The following STARD4 variants were observed in gnomAD, a reference collection of about 807,000 sequenced individuals.
STARD4 encodes stAR-related lipid transfer protein 4.
A neutral mutation model predicts 24.9 loss-of-function variants in STARD4; 33 were observed. That is an observed-to-expected ratio of 1.32 (90% confidence interval 1.00 to 1.77). The LOEUF (loss-of-function observed/expected upper bound fraction) is 1.77. STARD4 is among the 40% of genes most tolerant of loss of function. The pLI is 0.00. For synonymous variants in STARD4, 88 were observed against 77.4 expected (o/e 1.14, Z -0.72); for missense variants, 238 against 249.3 (o/e 0.95, Z 0.31).
rs953349158 is a variant in STARD4, at chr5:111,496,395, A to G, written c.*3491T>C. ...GAAAGACATGGAAGATACAGCAGGC[A>G]GGCAACACAGGTTCTAGGGGAAACC... On this transcript the variant is annotated 3_prime_UTR_variant, in exon 6 of 6. Coordinates refer to ENST00000296632, the MANE Select transcript of STARD4 (RefSeq NM_139164.3). 6.6e-6 allele frequency: 1 copy of G among 152,106 alleles called. No homozygotes were observed. Among genetic ancestry groups the G allele is most frequent in the African/African-American group, 2.4e-5 (1 of 41,440 alleles). 9.4% of individuals were successfully genotyped at this position (152,106 alleles called of 1,614,324 possible).
intron 1 of STARD4, 192 bp downstream of exon 1, chr5:111,512,193 T>A (rs1253146409): frequency 6.6e-6 from 1 of 152,300 alleles, no homozygotes; most frequent in Non-Finnish European, 1.5e-5. Flanking sequence ...GGGGCTCAGG[T>A]TTCTCTTTCA....
At chr5:111,500,715 A>G (rs1756374257) in intron 5 of STARD4, 1 of 1,386,088 alleles carries the variant, frequency 7.2e-7, no homozygotes, top group East Asian at 2.8e-5. Flanking sequence ...GTGGCTTAGA[A>G]GAAAATCCAT....
chr5:111,506,193 CAAAAAAA>C (rs878865342), intron 3 of STARD4, 130 bp downstream of exon 3: 12 of 81,316 alleles, frequency 1.5e-4, no homozygotes, highest in South Asian at 6.6e-4. Context: ...GACTCTGTCT[CAAAAAAA>C]AAAAAAAAAA....
At position 111,498,176 on chromosome 5, in the gene STARD4, T is replaced by C. The variant is rs973248687; in HGVS notation, c.*1710A>G. 1 of 152,034 alleles carries C rather than the reference T, an allele frequency of 6.6e-6. No individual in the cohort carries two copies. The highest frequency in any genetic ancestry group is 1.5e-5 in the Non-Finnish European group (1 of 67,944). 9.4% of individuals were successfully genotyped at this position (152,034 alleles called of 1,614,324 possible). On this transcript the variant is annotated 3_prime_UTR_variant, in exon 6 of 6. Coordinates refer to ENST00000296632, the MANE Select transcript of STARD4 (RefSeq NM_139164.3). ...GAAGCTGCACATACATTTTAGGTGATTCAAACATAATTTTTAAATTCATCA... is the reference window on the plus strand; with the variant it reads ...GAAGCTGCACATACATTTTAGGTGACTCAAACATAATTTTTAAATTCATCA...
intron 5 of STARD4, 48 bp from the exon 6 acceptor site, chr5:111,500,154 TAA>T (rs1756326972): frequency 1.3e-6 from 2 of 1,487,014 alleles, no homozygotes; most frequent in South Asian, 2.9e-5. Flanking sequence ...ATAACTGACA[TAA>T]AACTCTCATT....
intron 3 of STARD4, 60 bp from the exon 4 acceptor site, chr5:111,502,148 A>G (rs1042822446): frequency 1.9e-6 from 3 of 1,565,372 alleles, no homozygotes; most frequent in African/African-American, 2.7e-5. Context: ...GCATACCCTT[A>G]TAGTGCATAG....
Position 111,497,765 on chromosome 5 carries a change from A to T in STARD4, c.*2121T>A, listed in dbSNP as rs986030813. 6.6e-6 allele frequency: 1 copy of T among 152,092 alleles called. No homozygotes were observed. The highest frequency in any genetic ancestry group is 1.5e-5 in the Non-Finnish European group (1 of 67,940). 9.4% of individuals were successfully genotyped at this position (152,092 alleles called of 1,614,324 possible). A position where few individuals can be genotyped will look rare whatever the true frequency, so the allele number is the denominator to read the frequency against. Reference sequence around the variant, plus strand: ...GTTAATATCCATCCCAACCCACATCATTAAGCTTTTTTATCATTATAGTAT... The same window carrying T: ...GTTAATATCCATCCCAACCCACATCTTTAAGCTTTTTTATCATTATAGTAT... On this transcript the variant is annotated 3_prime_UTR_variant, in exon 6 of 6. Coordinates refer to ENST00000296632, the MANE Select transcript of STARD4 (RefSeq NM_139164.3).
chr5:111,501,542 T>C (rs1179472461), intron 4 of STARD4, among the ~76,000 whole-genome samples: 4 of 152,362 alleles, frequency 2.6e-5, no homozygotes, highest in Non-Finnish European at 4.4e-5. Context: ...TTTGGCTATA[T>C]AATTTTAGAA....
At chr5:111,505,852 G>C (rs1756812805) in intron 3 of STARD4, among the ~76,000 whole-genome samples, 1 of 151,904 alleles carries the variant, frequency 6.6e-6, no homozygotes, top group Non-Finnish European at 1.5e-5. Context: ...GTCTACAAAG[G>C]ACACGGACAT....
At chr5:111,504,196 C>G (rs887800603) in intron 3 of STARD4, among the ~76,000 whole-genome samples, 1 of 151,982 alleles carries the variant, frequency 6.6e-6, no homozygotes, top group African/African-American at 2.4e-5. Context: ...CACGTGTGCA[C>G]AAAGAGATAT....
chr5:111,500,633 G>T, intron 5 of STARD4: 1 of 1,180,810 alleles, frequency 8.5e-7, no homozygotes, highest in Non-Finnish European at 1.0e-6. Flanking sequence ...ACAGCTCAAG[G>T]AAGGAAGAAT....
chr5:111,501,831 T>G, intron 4 of STARD4, 131 bp downstream of exon 4: 1 of 1,276,276 alleles, frequency 7.8e-7, no homozygotes, highest in Non-Finnish European at 1.1e-6. Flanking sequence ...TGTGATATCT[T>G]TGTCGTGACT....
chr5:111,500,415 T>C (rs1580844098), intron 5 of STARD4: 1 of 1,093,540 alleles, frequency 9.1e-7, no homozygotes, highest in Non-Finnish European at 1.1e-6. Flanking sequence ...AAAAATCAAA[T>C]CCATGGTACC....
intron 3 of STARD4, among the ~76,000 whole-genome samples, chr5:111,503,049 A>G (rs571126762): frequency 6.6e-6 from 1 of 152,316 alleles, no homozygotes; most frequent in South Asian, 2.1e-4. Flanking sequence ...TTCCTCAGTT[A>G]TCCTCTGACA....
At chr5:111,500,460 T>C in intron 5 of STARD4, 1 of 1,055,304 alleles carries the variant, frequency 9.5e-7, no homozygotes, top group South Asian at 4.0e-5. Flanking sequence ...CATATTATAG[T>C]TTGGTACTGG....
intron 3 of STARD4, among the ~76,000 whole-genome samples, chr5:111,504,673 CA>C (rs1233543569): frequency 6.6e-6 from 1 of 152,152 alleles, no homozygotes; most frequent in Non-Finnish European, 1.5e-5. Flanking sequence ...TTATCTCCCC[CA>C]CCATAAATCT....
intron 5 of STARD4, 77 bp from the exon 6 acceptor site, chr5:111,500,183 A>G: frequency 7.1e-7 from 1 of 1,412,782 alleles, no homozygotes; most frequent in Admixed American, 2.8e-5. Flanking sequence ...TATTACCAGA[A>G]TTCTTATTTA....
chr5:111,500,606 G>A, intron 5 of STARD4: 1 of 1,113,320 alleles, frequency 9.0e-7, no homozygotes, highest in South Asian at 3.6e-5. Flanking sequence ...TTTTAATCTT[G>A]AAAAGAAAAA....
At position 111,498,651 on chromosome 5, in the gene STARD4, G is replaced by A. The variant is rs889830916; in HGVS notation, c.*1235C>T. On this transcript the variant is annotated 3_prime_UTR_variant, in exon 6 of 6. Transcript: ENST00000296632. Reference sequence around the variant, plus strand: ...TACATTCAATTTAGAAAAGGATCCTGGTAATTAATAAATCATTAAGAATAT... The same window carrying A: ...TACATTCAATTTAGAAAAGGATCCTAGTAATTAATAAATCATTAAGAATAT... The A allele has an allele frequency of 6.6e-6, 1 of 152,002 alleles. No homozygotes were observed. The highest frequency in any genetic ancestry group is 2.4e-5 in the African/African-American group (1 of 41,400). 9.4% of individuals were successfully genotyped at this position (152,002 alleles called of 1,614,324 possible).
Sources: allele counts gnomAD v4.1 joint callset (sites outside exome capture counted in the v4.1 genomes callset), GRCh38; gene constraint gnomAD v4.1.1; transcripts MANE v1.5; gene names NCBI Gene and HGNC (gene_info 2026-07-23, HGNC 2026-07-21).